TSHZ3: variants seen among roughly 807,000 people sequenced by gnomAD.
The protein encoded by TSHZ3 is teashirt zinc finger homeobox 3, also known as teashirt homolog 3.
In TSHZ3, 10 loss-of-function variants were observed where a neutral mutation model predicts 64.5. The ratio of observed to expected loss-of-function variants is 0.16; its 90% CI spans 0.10 to 0.26. TSHZ3 has a LOEUF of 0.26. Ranked by LOEUF, TSHZ3 falls within the 10% of genes least tolerant of loss-of-function variation. TSHZ3 has a pLI of 1.00. For synonymous variants in TSHZ3, 608 were observed against 593.1 expected (o/e 1.03, Z -0.36); for missense variants, 1,242 against 1,421.7 (o/e 0.87, Z 2.03).
At chr19:31,336,263 C>T (rs531808978) in intron 1 of TSHZ3, among the ~76,000 whole-genome samples, 7 of 152,264 alleles carry the variant, frequency 4.6e-5, no homozygotes, top group Admixed American at 2.0e-4. Flanking sequence ...AAAGCAAGAA[C>T]GAACTTCCTG....
intron 1 of TSHZ3, among the ~76,000 whole-genome samples, chr19:31,284,055 C>A (rs541187940): frequency 6.6e-6 from 1 of 152,276 alleles, no homozygotes; most frequent in Admixed American, 6.5e-5. Flanking sequence ...GCTACTGTCT[C>A]CAACAGTATT....
chr19:31,173,862 G>T (rs1974570576), intron 5 of TSHZ3, among the ~76,000 whole-genome samples: 1 of 152,146 alleles, frequency 6.6e-6, no homozygotes, highest in Non-Finnish European at 1.5e-5. Flanking sequence ...TTGAGGTTAG[G>T]AGCTCGAGAC....
chr19:31,193,287 C>T (rs1333103189), intron 5 of TSHZ3, among the ~76,000 whole-genome samples: 1 of 152,110 alleles, frequency 6.6e-6, no homozygotes, highest in Non-Finnish European at 1.5e-5. Flanking sequence ...CTATTTCAGT[C>T]ATATTTTGCA....
intron 1 of TSHZ3, among the ~76,000 whole-genome samples, chr19:31,266,261 A>G (rs1976052624): frequency 6.6e-6 from 1 of 152,166 alleles, no homozygotes; most frequent in Admixed American, 6.5e-5. Context: ...AGAAACTGGT[A>G]TACCCAGCCT....
chr19:31,195,985 T>C (rs1361097941), intron 5 of TSHZ3, among the ~76,000 whole-genome samples: 1 of 151,994 alleles, frequency 6.6e-6, no homozygotes, highest in Non-Finnish European at 1.5e-5. Flanking sequence ...GGCTATTTAT[T>C]ATAGCTTATT....
chr19:31,299,458 G>T (rs1330517129), intron 1 of TSHZ3, among the ~76,000 whole-genome samples: 1 of 152,122 alleles, frequency 6.6e-6, no homozygotes, highest in African/African-American at 2.4e-5. Flanking sequence ...TCGCAATTGT[G>T]GGATGCGGGT....
intron 1 of TSHZ3, among the ~76,000 whole-genome samples, chr19:31,344,186 G>GAC (rs955678886): frequency 4.6e-5 from 7 of 152,060 alleles, no homozygotes; most frequent in Admixed American, 3.3e-4. Flanking sequence ...CACAGACACA[G>GAC]ACACACACAC....
chr19:31,189,678 A>G (rs1469189225), intron 5 of TSHZ3, among the ~76,000 whole-genome samples: 1 of 152,050 alleles, frequency 6.6e-6, no homozygotes, highest in Non-Finnish European at 1.5e-5. Flanking sequence ...TGAATGTTCC[A>G]GATGCACTAA....
intron 1 of TSHZ3, among the ~76,000 whole-genome samples, chr19:31,327,217 T>C (rs2145176070): frequency 6.6e-6 from 1 of 152,300 alleles, no homozygotes; most frequent in African/African-American, 2.4e-5. Context: ...GTTCGACCAA[T>C]TCCCTTCTTC....
chr19:31,240,463 A>C (rs1028987604), intron 3 of TSHZ3, among the ~76,000 whole-genome samples: 2 of 152,184 alleles, frequency 1.3e-5, no homozygotes, highest in African/African-American at 4.8e-5. Flanking sequence ...AGACAGCTAC[A>C]GTCTCATATT....
At chr19:31,333,953 CGT>C (rs1454666097) in intron 1 of TSHZ3, among the ~76,000 whole-genome samples, 4 of 152,156 alleles carry the variant, frequency 2.6e-5, no homozygotes, top group African/African-American at 9.7e-5. Context: ...GGAGCGTGTA[CGT>C]GTGTTTCCAA....
intron 3 of TSHZ3, among the ~76,000 whole-genome samples, chr19:31,230,759 G>A (rs10411451): frequency 0.37 from 54,863 of 146,856 alleles, 11,237 homozygotes; most frequent in Non-Finnish European, 0.46. Context: ...GAGTGCAGTG[G>A]CCCAATCTCG....
At chr19:31,198,942 GGA>G (rs1318261692) in intron 5 of TSHZ3, among the ~76,000 whole-genome samples, 1 of 152,082 alleles carries the variant, frequency 6.6e-6, no homozygotes, top group Non-Finnish European at 1.5e-5. Context: ...CGATTTACAG[GGA>G]GAGGTAAAAG....
chr19:31,279,767 G>A lies in TSHZ3; in HGVS notation c.41-15C>T. The A allele has an allele frequency of 6.7e-7, 1 of 1,485,090 alleles. No individual in the cohort carries two copies. Among genetic ancestry groups the A allele is most frequent in the African/African-American group, 1.4e-5 (1 of 71,356 alleles). The allele number at this position is 1,485,090 out of a possible 1,614,324, so 92.0% of individuals were successfully genotyped here. On this transcript the variant is annotated splice_polypyrimidine_tract_variant and intron_variant, in intron 1 of 1. Coordinates refer to ENST00000240587, the MANE Select transcript of TSHZ3 (RefSeq NM_020856.4). The surrounding 1 kb of genome is among the most constrained non-coding windows in gnomAD (Gnocchi z 6.4). Reference sequence around the variant, plus strand: ...GGAAACATAGGCTGCCATGATAACAGGTGGGAAAGAGAGACAGGTAGGATG... The same window carrying A: ...GGAAACATAGGCTGCCATGATAACAAGTGGGAAAGAGAGACAGGTAGGATG...
chr19:31,226,344 G>T (rs1599593130), intron 4 of TSHZ3, among the ~76,000 whole-genome samples: 2 of 152,112 alleles, frequency 1.3e-5, no homozygotes, highest in Admixed American at 1.3e-4. Context: ...AATCATAAGG[G>T]TGGTTTCCCC....
chr19:31,289,487 C>T (rs556586991), intron 1 of TSHZ3, among the ~76,000 whole-genome samples: 6 of 152,306 alleles, frequency 3.9e-5, no homozygotes, highest in East Asian at 3.9e-4. Flanking sequence ...GTCAGAAGCA[C>T]GCCTGCAGCA....
At chr19:31,199,400 C>CA (rs61428496) in intron 5 of TSHZ3, among the ~76,000 whole-genome samples, 1,985 of 98,196 alleles carry the variant, frequency 0.02, 24 homozygotes, top group African/African-American at 0.038. Context: ...GAGACTCCGC[C>CA]AAAAAAAAAA....
intron 1 of TSHZ3, among the ~76,000 whole-genome samples, chr19:31,347,715 C>T (rs1482429679): frequency 1.3e-5 from 2 of 152,196 alleles, no homozygotes. Flanking sequence ...AGAGCAAAAC[C>T]TGCATCCTAA....
At chr19:31,214,825 G>A (rs558244857) in intron 4 of TSHZ3, among the ~76,000 whole-genome samples, 2 of 150,794 alleles carry the variant, frequency 1.3e-5, no homozygotes, top group East Asian at 4.0e-4. Flanking sequence ...GGAGAATGGC[G>A]TGAACCCGGG....
Sources: allele counts gnomAD v4.1 joint callset (sites outside exome capture counted in the v4.1 genomes callset), GRCh38; gene constraint gnomAD v4.1.1; non-coding constraint Gnocchi (gnomAD v3.1); transcripts MANE v1.5; gene names NCBI Gene and HGNC (gene_info 2026-07-23, HGNC 2026-07-21).